The following TMEM132D variants were observed in gnomAD, a reference collection of about 807,000 sequenced individuals.
TMEM132D encodes the protein transmembrane protein 132D.
A neutral mutation model predicts 62.3 loss-of-function variants in TMEM132D; 21 were observed. That is an observed-to-expected ratio of 0.34 (90% CI 0.24 to 0.49). The LOEUF (loss-of-function observed/expected upper bound fraction) is 0.49. TMEM132D is among the 20% of genes least tolerant of loss of function. The pLI, the probability that TMEM132D is intolerant of heterozygous loss-of-function variation, is 0.99. For synonymous variants in TMEM132D, 621 were observed against 575.6 expected (o/e 1.08, Z -1.13); for missense variants, 1,346 against 1,402.8 (o/e 0.96, Z 0.65).
At chr12:129,279,232 A>G (rs1184396138) in intron 4 of TMEM132D, among the ~76,000 whole-genome samples, 1 of 152,208 alleles carries the variant, frequency 6.6e-6, no homozygotes, top group Non-Finnish European at 1.5e-5. Context: ...TGTTTAAGAA[A>G]CACACATAGG....
At chr12:129,457,823 C>T (rs936044907) in intron 3 of TMEM132D, among the ~76,000 whole-genome samples, 7 of 152,130 alleles carry the variant, frequency 4.6e-5, no homozygotes, top group Admixed American at 1.3e-4. Flanking sequence ...AACAGCAAGG[C>T]GGATGTCTGA....
intron 1 of TMEM132D, among the ~76,000 whole-genome samples, chr12:129,798,429 G>T (rs140047088): frequency 6.6e-6 from 1 of 152,268 alleles, no homozygotes; most frequent in African/African-American, 2.4e-5. Context: ...AAAATAATTA[G>T]AAGCGCTAAG....
intron 2 of TMEM132D, among the ~76,000 whole-genome samples, chr12:129,604,612 A>C (rs73157237): frequency 2.9e-3 from 448 of 152,264 alleles, no homozygotes; most frequent in Non-Finnish European, 4.9e-3. Context: ...GCCTCTGGTA[A>C]TTGTTTTCAG....
intron 2 of TMEM132D, among the ~76,000 whole-genome samples, chr12:129,664,828 C>A (rs1880335497): frequency 6.6e-6 from 1 of 152,098 alleles, no homozygotes; most frequent in Admixed American, 6.5e-5. Flanking sequence ...ACTGCAGACA[C>A]AGAATCACCC....
At chr12:129,474,487 G>A (rs1874201176) in intron 3 of TMEM132D, among the ~76,000 whole-genome samples, 1 of 152,190 alleles carries the variant, frequency 6.6e-6, no homozygotes, top group African/African-American at 2.4e-5. Context: ...CTCAAAGGAA[G>A]TTCACAACAT....
At chr12:129,207,369 C>CA (rs1171752510) in intron 5 of TMEM132D, among the ~76,000 whole-genome samples, 1 of 151,156 alleles carries the variant, frequency 6.6e-6, no homozygotes, top group Non-Finnish European at 1.5e-5. Context: ...ATACAACAAA[C>CA]AAAAATATAT....
chr12:129,721,077 A>G (rs1051227571), intron 1 of TMEM132D, among the ~76,000 whole-genome samples: 1 of 152,210 alleles, frequency 6.6e-6, no homozygotes, highest in East Asian at 1.9e-4. Context: ...TGAGCCGGAC[A>G]TTGGCATTCA....
chr12:129,815,785 G>C (rs1872326681), intron 1 of TMEM132D, among the ~76,000 whole-genome samples: 1 of 152,142 alleles, frequency 6.6e-6, no homozygotes, highest in African/African-American at 2.4e-5. Context: ...TACATTGTTG[G>C]AATTTTCTAC....
chr12:129,190,906 G>A (rs12425305), intron 5 of TMEM132D, among the ~76,000 whole-genome samples: 28,369 of 152,060 alleles, frequency 0.19, 3,386 homozygotes, highest in East Asian at 0.51. Flanking sequence ...CTGCCGGTGA[G>A]ACCCCCTCAG....
In TMEM132D at chr12:129,867,895, A is replaced by C. The variant is rs1273158855; in HGVS notation, c.79+35366T>G. ...AGGAGCAGAAGAAACTTCTAGGGCA[A>C]TGGAAATGTCTGTGTCTCTACTAAG... On this transcript the variant is annotated intron_variant, in intron 1 of 8. Transcript: ENST00000422113. The surrounding 1 kb of genome is among the most constrained non-coding windows in gnomAD (Gnocchi z 4.5). 6.6e-6 allele frequency among the ~76,000 whole-genome samples: 1 copy of C among 152,252 alleles called. No individual in the cohort carries two copies. Among genetic ancestry groups the C allele is most frequent in the Non-Finnish European group, 1.5e-5 (1 of 68,044 alleles).
At chr12:129,494,074 G>A (rs867272152) in intron 3 of TMEM132D, among the ~76,000 whole-genome samples, 3 of 152,102 alleles carry the variant, frequency 2.0e-5, no homozygotes, top group African/African-American at 2.4e-5. Context: ...GAGCATCCAC[G>A]AACACACGCT....
At chr12:129,166,146 C>A (rs1877538916) in intron 5 of TMEM132D, among the ~76,000 whole-genome samples, 1 of 152,180 alleles carries the variant, frequency 6.6e-6, no homozygotes, top group African/African-American at 2.4e-5. Context: ...ACAGCAGGCA[C>A]CACAAACTCA....
At chr12:129,608,164 C>A (rs1475101956) in intron 2 of TMEM132D, among the ~76,000 whole-genome samples, 3 of 152,208 alleles carry the variant, frequency 2.0e-5, no homozygotes, top group Non-Finnish European at 4.4e-5. Flanking sequence ...TACCCCTCTT[C>A]ATCCTGAAGC....
chr12:129,683,470 T>A (rs1319916360), intron 2 of TMEM132D, among the ~76,000 whole-genome samples: 1 of 152,230 alleles, frequency 6.6e-6, no homozygotes, highest in Non-Finnish European at 1.5e-5. Context: ...ATTATTGCAT[T>A]GAGCAATCTC....
intron 1 of TMEM132D, among the ~76,000 whole-genome samples, chr12:129,831,250 C>T (rs1872820774): frequency 6.6e-6 from 1 of 152,248 alleles, no homozygotes; most frequent in South Asian, 2.1e-4. Flanking sequence ...CCGATACCCA[C>T]AGAAGAGAGA....
intron 3 of TMEM132D, among the ~76,000 whole-genome samples, chr12:129,349,669 A>C (rs1304858264): frequency 2.0e-5 from 3 of 152,218 alleles, no homozygotes; most frequent in Non-Finnish European, 4.4e-5. Flanking sequence ...ATACCCTGGC[A>C]AAGATCGGCA....
At chr12:129,455,933 T>C (rs565265748) in intron 3 of TMEM132D, among the ~76,000 whole-genome samples, 7 of 152,200 alleles carry the variant, frequency 4.6e-5, no homozygotes, top group East Asian at 1.9e-4. Context: ...ATGTGAAGAA[T>C]AGACTCAAGA....
chr12:129,792,768 A>T lies in TMEM132D; in HGVS notation c.80-92070T>A, dbSNP rs531197038. Among the ~76,000 whole-genome samples the T allele has an allele frequency of 2.4e-3, 373 of 152,356 alleles. 2 individuals carry two copies. The highest frequency in any genetic ancestry group is 8.4e-3 in the African/African-American group (349 of 41,586). On this transcript the variant is annotated intron_variant, in intron 1 of 8. Coordinates refer to ENST00000422113, the MANE Select transcript of TMEM132D (RefSeq NM_133448.3). ...AAGAAGTAAGTTTAAGGTGAAGACTAAAAATTGAACAGACATTATCGAAGG... is the reference window on the plus strand; with the variant it reads ...AAGAAGTAAGTTTAAGGTGAAGACTTAAAATTGAACAGACATTATCGAAGG...
chr12:129,830,494 G>A (rs887982424), intron 1 of TMEM132D, among the ~76,000 whole-genome samples: 1 of 152,128 alleles, frequency 6.6e-6, no homozygotes, highest in African/African-American at 2.4e-5. Flanking sequence ...AAGGATGCAA[G>A]CTTTCCTCTC....
Sources: gnomAD v4.1 joint callset for allele counts (sites outside exome capture counted in the v4.1 genomes callset) on GRCh38, gnomAD v4.1.1 for gene constraint, Gnocchi (gnomAD v3.1) non-coding constraint, MANE v1.5 for transcripts, NCBI Gene and HGNC (gene_info 2026-07-23, HGNC 2026-07-21) for gene names.